Variants in CALN1 observed in about 807,000 individuals in gnomAD.
CALN1 encodes the protein calcium-binding protein 8.
CALN1 carries 17 observed loss-of-function variants against 30.6 expected under a neutral mutation model. The ratio of observed to expected loss-of-function variants is 0.56; its 90% CI spans 0.38 to 0.83. CALN1 has a LOEUF of 0.83. Among genes scored for constraint, CALN1 ranks in the 40% least tolerant of loss-of-function variants. The probability of loss-of-function intolerance (pLI) is 0.00; values close to 1 mark genes in which losing one functional copy is unlikely to be tolerated. For missense variants in CALN1, 291 were observed against 354.9 expected (o/e 0.82, Z 1.45); for synonymous variants, 156 against 131.4 (o/e 1.19, Z -1.28).
chr7:72,321,944 C>T (rs1800909225), intron 2 of CALN1, among the ~76,000 whole-genome samples: 2 of 152,172 alleles, frequency 1.3e-5, no homozygotes, highest in Non-Finnish European at 2.9e-5. Context: ...CCAGCTGTCC[C>T]CAACATTTTT....
rs192647902 is a variant in CALN1, at chr7:72,275,586, T to A, written c.244+3100A>T. Among the ~76,000 whole-genome samples, 15 of 152,288 alleles carry A rather than the reference T, an allele frequency of 9.8e-5. No individual in the cohort carries two copies. The East Asian group carries it at 2.3e-3, about 24-fold the overall frequency. Reference sequence around the variant, plus strand: ...GAAAATAAATGGCCCTTCCCCAGGCTGAGAGCCTGGATTACCCTCCTGAAG... The same window carrying A: ...GAAAATAAATGGCCCTTCCCCAGGCAGAGAGCCTGGATTACCCTCCTGAAG... On this transcript the variant is annotated intron_variant, in intron 3 of 6. Transcript: ENST00000395275.
chr7:72,332,458 C>A (rs913928616), intron 2 of CALN1, among the ~76,000 whole-genome samples: 6 of 151,970 alleles, frequency 3.9e-5, no homozygotes, highest in Non-Finnish European at 7.4e-5. Context: ...GCTTCCACCC[C>A]AGCCCTGTTT....
intron 3 of CALN1, among the ~76,000 whole-genome samples, chr7:72,173,968 T>C (rs1346301965): frequency 6.6e-6 from 1 of 152,002 alleles, no homozygotes; most frequent in Non-Finnish European, 1.5e-5. Flanking sequence ...GTCTGGTCTT[T>C]AAAGGCCACT....
chr7:72,150,865 GTGA>G (rs756993882), intron 3 of CALN1, among the ~76,000 whole-genome samples: 20 of 127,736 alleles, frequency 1.6e-4, no homozygotes, highest in African/African-American at 2.2e-4. Flanking sequence ...ACTATTTGCT[GTGA>G]TGATATGATG....
chr7:72,059,462 GA>G (rs34494725), intron 4 of CALN1, among the ~76,000 whole-genome samples: 80,918 of 151,282 alleles, frequency 0.53, 21,733 homozygotes, highest in African/African-American at 0.55. Flanking sequence ...AAAGTTTTCT[GA>G]AAAAAAAAGC....
At chr7:72,067,838 C>T (rs891844559) in intron 4 of CALN1, among the ~76,000 whole-genome samples, 1 of 152,180 alleles carries the variant, frequency 6.6e-6, no homozygotes, top group African/African-American at 2.4e-5. Context: ...TCTTCATCTG[C>T]ATTTGGTGGC....
chr7:72,129,437 C>T lies in CALN1; in HGVS notation c.245-23143G>A, dbSNP rs559645372. Among the ~76,000 whole-genome samples the T allele has an allele frequency of 1.6e-4, 24 of 152,018 alleles. No individual in the cohort carries two copies. In the South Asian group the frequency reaches 2.9e-3, roughly 18 times the overall value. On this transcript the variant is annotated intron_variant, in intron 3 of 6. Coordinates refer to ENST00000395275, the MANE Select transcript of CALN1 (RefSeq NM_031468.4). The stretch of plus-strand genomic sequence containing the variant: ...CCAGGCTAGTGGCTGTAATATTGTG[C>T]GGTGTGTGTGTGCGTTATAGATAGA...
At chr7:71,939,403 C>CAA (rs56368426) in intron 5 of CALN1, among the ~76,000 whole-genome samples, 22,989 of 104,834 alleles carry the variant, frequency 0.22, 2,382 homozygotes, top group East Asian at 0.5. Context: ...ACTAAAAATA[C>CAA]AAAAAAAAAA....
At chr7:72,137,762 C>T (rs753996253) in intron 3 of CALN1, among the ~76,000 whole-genome samples, 6 of 152,126 alleles carry the variant, frequency 3.9e-5, no homozygotes, top group Admixed American at 2.6e-4. Flanking sequence ...TATGCTGTAG[C>T]GTCTTTGTGA....
chr7:72,187,154 ACT>A (rs748400727), intron 3 of CALN1, among the ~76,000 whole-genome samples: 3 of 151,914 alleles, frequency 2.0e-5, no homozygotes, highest in South Asian at 2.1e-4. Flanking sequence ...TATTATTATG[ACT>A]CTTCTGTTTT....
chr7:71,910,242 G>C (rs756198853), intron 5 of CALN1, among the ~76,000 whole-genome samples: 1 of 152,176 alleles, frequency 6.6e-6, no homozygotes, highest in Non-Finnish European at 1.5e-5. Flanking sequence ...CGCCAGACCT[G>C]AGAGTTTGCC....
chr7:71,797,276 A>C (rs1266656932), intron 6 of CALN1, among the ~76,000 whole-genome samples: 1 of 152,222 alleles, frequency 6.6e-6, no homozygotes, highest in African/African-American at 2.4e-5. Context: ...GGGATGTTAA[A>C]AAATAAAACA....
chr7:71,805,436 G>T (rs1488328035), intron 6 of CALN1, among the ~76,000 whole-genome samples: 2 of 152,094 alleles, frequency 1.3e-5, no homozygotes, highest in Middle Eastern at 6.3e-3. Flanking sequence ...AATGAGAAAA[G>T]AATTTCATCA....
chr7:72,270,814 C>G (rs1796925128), intron 3 of CALN1, among the ~76,000 whole-genome samples: 1 of 152,140 alleles, frequency 6.6e-6, no homozygotes, highest in Admixed American at 6.6e-5. Flanking sequence ...CAAGGAATAA[C>G]CTAACTAAGT....
chr7:72,076,611 CAAAAAAAAAAA>C (rs572245834), intron 4 of CALN1, among the ~76,000 whole-genome samples: 4 of 6,126 alleles, frequency 6.5e-4, no homozygotes, highest in Admixed American at 3.0e-3. Flanking sequence ...AAAAAAAAAG[CAAAAAAAAAAA>C]AAAAAAAAAA....
intron 5 of CALN1, among the ~76,000 whole-genome samples, chr7:71,992,939 A>G (rs1218424493): frequency 6.6e-6 from 1 of 152,176 alleles, no homozygotes; most frequent in African/African-American, 2.4e-5. Flanking sequence ...GATCTTGCTG[A>G]TGAAACTTAC....
chr7:71,836,144 G>A (rs1789586032), intron 5 of CALN1, among the ~76,000 whole-genome samples: 1 of 152,198 alleles, frequency 6.6e-6, no homozygotes, highest in Non-Finnish European at 1.5e-5. Flanking sequence ...TCTAGAAGCA[G>A]AGCCTCCCAG....
intron 4 of CALN1, among the ~76,000 whole-genome samples, chr7:72,093,633 A>AC (rs1341398315): frequency 1.3e-5 from 2 of 152,196 alleles, no homozygotes; most frequent in East Asian, 3.9e-4. Flanking sequence ...GATGATGACT[A>AC]CCAGGACTGC....
intron 5 of CALN1, among the ~76,000 whole-genome samples, chr7:71,853,070 CTT>C (rs1031070746): frequency 6.6e-6 from 1 of 151,674 alleles, no homozygotes; most frequent in African/African-American, 2.4e-5. Flanking sequence ...AGTTTAAACA[CTT>C]ATTATTATTT....
Sources: gnomAD v4.1 joint callset for allele counts (sites outside exome capture counted in the v4.1 genomes callset) on GRCh38, gnomAD v4.1.1 for gene constraint, MANE v1.5 for transcripts, NCBI Gene and HGNC (gene_info 2026-07-23, HGNC 2026-07-21) for gene names.